Variants in GAL3ST1 observed in about 807,000 individuals in gnomAD.
GAL3ST1 encodes galactose-3-O-sulfotransferase 1.
A neutral mutation model predicts 25.0 loss-of-function variants in GAL3ST1; 13 were observed. The ratio of observed to expected loss-of-function variants is 0.52; its 90% confidence interval spans 0.34 to 0.83. GAL3ST1 has a LOEUF of 0.83. Among genes scored for constraint, GAL3ST1 ranks in the 40% least tolerant of loss-of-function variants. The probability of loss-of-function intolerance (pLI) is 0.02; values close to 1 mark genes in which losing one functional copy is unlikely to be tolerated. For synonymous variants in GAL3ST1, 274 were observed against 277.8 expected (o/e 0.99, Z 0.14); for missense variants, 474 against 613.6 (o/e 0.77, Z 2.40).
rs368838217 is a variant in GAL3ST1 at position 30,555,605 on chromosome 22, T to C, written c.620A>G (p.Asn207Ser). 35 of 1,613,412 alleles carry C rather than the reference T, an allele frequency of 2.2e-5. No individual in the cohort carries two copies. In the Middle Eastern group the frequency reaches 8.2e-4, roughly 38 times the overall value. The change falls in exon 4 of 4, where the codon AAC (asparagine) becomes AGC (serine). Residue 207 changes from asparagine to serine, a missense_variant. Coordinates refer to ENST00000406361, the MANE Select transcript of GAL3ST1 (RefSeq NM_001318104.2). This position sits in a 1 kb window ranked among gnomAD's most constrained non-coding sequence, Gnocchi z 8.6. Reference protein sequence around the residue: ...LQDPDRYYDPNGFNAHYLRNL... With the variant: ...LQDPDRYYDPSGFNAHYLRNL... Reference sequence around the variant, plus strand: ...TCGGAGGTAGTGGGCATTGAAGCCGTTGGGGTCGTAGTAGCGATCCGGGTC... The same window carrying C: ...TCGGAGGTAGTGGGCATTGAAGCCGCTGGGGTCGTAGTAGCGATCCGGGTC...
chr22:30,572,706 C>G (rs1377916680), intron 1 of GAL3ST1: 1 of 152,368 alleles, frequency 6.6e-6, no homozygotes, highest in Non-Finnish European at 1.5e-5. Context: ...CCAGCAGTCC[C>G]CAGCCTGATG....
intron 1 of GAL3ST1, among the ~76,000 whole-genome samples, chr22:30,566,862 GC>G (rs1455966646): frequency 6.6e-6 from 1 of 152,152 alleles, no homozygotes; most frequent in African/African-American, 2.4e-5. Flanking sequence ...GCCCACCTTA[GC>G]CTCCCAAAGT....
intron 1 of GAL3ST1, among the ~76,000 whole-genome samples, chr22:30,566,340 G>A (rs971405453): frequency 3.3e-5 from 5 of 152,202 alleles, no homozygotes; most frequent in Admixed American, 6.5e-5. Context: ...AACCCAACAC[G>A]GTCCACTTCT....
At chr22:30,559,397 C>T (rs987608582) in intron 1 of GAL3ST1, among the ~76,000 whole-genome samples, 3 of 151,806 alleles carry the variant, frequency 2.0e-5, no homozygotes, top group Admixed American at 6.6e-5. Flanking sequence ...CACGCCACCA[C>T]ACCCAGCTAA....
chr22:30,555,998 C>G lies in GAL3ST1; in HGVS notation c.227G>C (p.Arg76Pro). The G allele has an allele frequency of 6.2e-7, 1 of 1,612,366 alleles. No homozygotes were observed. Among genetic ancestry groups the G allele is most frequent in the Non-Finnish European group, 8.5e-7 (1 of 1,179,908 alleles). The change falls in exon 4 of 4, where the codon CGC (arginine) becomes CCC (proline). Residue 76 changes from arginine to proline, a missense_variant. Around this residue, in one of 2 missense-constraint regions of GAL3ST1, gnomAD observed 115 missense variants for 109.2 expected, o/e 1.05. Coordinates refer to ENST00000406361, the MANE Select transcript of GAL3ST1 (RefSeq NM_001318104.2). The surrounding 1 kb of genome is among the most constrained non-coding windows in gnomAD (Gnocchi z 8.6). ...NGSAGECQPR[R>P]NIVFLKTHKT... is the part of the protein sequence containing the mutation. ...GTGCGTCTTCAAGAACACGATGTTG[C>G]GCCGCGGCTGGCACTCCCCCGCCGA...
At chr22:30,564,526 G>A (rs1184665683) in intron 1 of GAL3ST1, among the ~76,000 whole-genome samples, 1 of 152,126 alleles carries the variant, frequency 6.6e-6, no homozygotes. Context: ...AGGATGGACG[G>A]TCCCCCCGTC....
At chr22:30,560,968 G>A (rs1449394887) in intron 1 of GAL3ST1, among the ~76,000 whole-genome samples, 4 of 152,010 alleles carry the variant, frequency 2.6e-5, no homozygotes, top group East Asian at 1.9e-4. Context: ...TTTTTGAGAC[G>A]GTGTCTCCCT....
chr22:30,562,322 A>C (rs764763369), intron 1 of GAL3ST1, among the ~76,000 whole-genome samples: 8 of 152,024 alleles, frequency 5.3e-5, no homozygotes, highest in Non-Finnish European at 1.2e-4. Flanking sequence ...GCTCAAGTGC[A>C]TACCACCCAT....
intron 2 of GAL3ST1, 30 bp from the exon 3 acceptor site, chr22:30,557,431 G>T: frequency 6.2e-7 from 1 of 1,612,264 alleles, no homozygotes; most frequent in Non-Finnish European, 8.5e-7. Context: ...TAGGGCAAGT[G>T]TCAGGAAGCT....
intron 1 of GAL3ST1, among the ~76,000 whole-genome samples, chr22:30,569,799 T>C (rs1169954578): frequency 6.6e-6 from 1 of 152,144 alleles, no homozygotes; most frequent in Non-Finnish European, 1.5e-5. Context: ...CCATAAACCA[T>C]TCCCCAGCCG....
intron 3 of GAL3ST1, among the ~76,000 whole-genome samples, chr22:30,556,789 C>T (rs42926): frequency 0.045 from 6,849 of 152,278 alleles, 204 homozygotes; most frequent in Non-Finnish European, 0.067. Flanking sequence ...GCCTGGAGTA[C>T]AGTGGTGCCA....
chr22:30,561,230 C>T (rs2086393807), intron 1 of GAL3ST1, among the ~76,000 whole-genome samples: 1 of 152,228 alleles, frequency 6.6e-6, no homozygotes, highest in Non-Finnish European at 1.5e-5. Flanking sequence ...AGGCGTGAGC[C>T]ACTGAGCCTG....
intron 1 of GAL3ST1, among the ~76,000 whole-genome samples, chr22:30,559,396 A>G (rs1056839604): frequency 6.6e-6 from 1 of 151,720 alleles, no homozygotes; most frequent in Admixed American, 6.6e-5. Context: ...ACACGCCACC[A>G]CACCCAGCTA....
chr22:30,555,991 G>C lies in GAL3ST1; in HGVS notation c.234C>G (p.Ile78Met). The C allele has an allele frequency of 6.2e-7, 1 of 1,613,164 alleles. No homozygotes were observed. Reference protein sequence around the residue: ...SAGECQPRRNIVFLKTHKTAS... With the variant: ...SAGECQPRRNMVFLKTHKTAS... The stretch of plus-strand genomic sequence containing the variant: ...CCGTCTTGTGCGTCTTCAAGAACAC[G>C]ATGTTGCGCCGCGGCTGGCACTCCC... The change falls in exon 4 of 4, where the codon ATC becomes ATG. Residue 78 changes from isoleucine (I) to methionine (M), a missense_variant. Ile to Met is a conservative substitution (Grantham distance 10). Coordinates refer to ENST00000406361, the MANE Select transcript of GAL3ST1 (RefSeq NM_001318104.2). The surrounding 1 kb of genome is among the most constrained non-coding windows in gnomAD (Gnocchi z 8.6).
chr22:30,557,225 C>G (rs750827035), intron 3 of GAL3ST1, 37 bp downstream of exon 3: 11 of 1,610,666 alleles, frequency 6.8e-6, no homozygotes, highest in Admixed American at 3.3e-5. Context: ...ATCCCTCCCC[C>G]ACCTACACCC....
chr22:30,556,164 A>T, intron 3 of GAL3ST1, 71 bp from the exon 4 acceptor site: 1 of 1,252,732 alleles, frequency 8.0e-7, no homozygotes, highest in Non-Finnish European at 1.1e-6. Context: ...GTAGTTAGAG[A>T]GGGAGATTAT....
At chr22:30,557,511 C>T in intron 2 of GAL3ST1, 110 bp from the exon 3 acceptor site, 1 of 1,206,528 alleles carries the variant, frequency 8.3e-7, no homozygotes, top group Non-Finnish European at 1.2e-6. Flanking sequence ...TCTGTGGCCC[C>T]CCAGCAGGGT....
intron 2 of GAL3ST1, 198 bp from the exon 3 acceptor site, chr22:30,557,599 G>A (rs564953383): frequency 7.0e-5 from 37 of 526,960 alleles, no homozygotes; most frequent in Middle Eastern, 4.9e-4. Context: ...TTGCAGAGAC[G>A]GTGGGTGAAG....
At chr22:30,569,495 C>T (rs2086717936) in intron 1 of GAL3ST1, among the ~76,000 whole-genome samples, 1 of 151,608 alleles carries the variant, frequency 6.6e-6, no homozygotes, top group Non-Finnish European at 1.5e-5. Flanking sequence ...CTGGGTGAAG[C>T]AGGTGGTGTC....
Sources: allele counts gnomAD v4.1 joint callset (sites outside exome capture counted in the v4.1 genomes callset), GRCh38; gene constraint gnomAD v4.1.1; regional missense constraint gnomAD v4.1.1; non-coding constraint Gnocchi (gnomAD v3.1); transcripts MANE v1.5; gene names NCBI Gene and HGNC (gene_info 2026-07-23, HGNC 2026-07-21).